Variants in NR2C2 observed in about 807,000 individuals in gnomAD.
The protein encoded by NR2C2 is Nuclear hormone receptor TR4.
In NR2C2, 6 loss-of-function variants were observed where a neutral mutation model predicts 62.9. The ratio of observed to expected loss-of-function variants is 0.10; its 90% confidence interval spans 0.05 to 0.19. The LOEUF (loss-of-function observed/expected upper bound fraction) is 0.19, where lower values mean the gene tolerates loss of function less well. Among genes scored for constraint, NR2C2 ranks in the 10% least tolerant of loss-of-function variants. The probability of loss-of-function intolerance (pLI) is 1.00; values close to 1 mark genes in which losing one functional copy is unlikely to be tolerated. For missense variants in NR2C2, 479 were observed against 762.7 expected (o/e 0.63, Z 4.38); for synonymous variants, 272 against 273.8 (o/e 0.99, Z 0.07).
rs187114262 is a variant in NR2C2, at chr3:14,976,947, C to T, written c.-39-26929C>T. Among the ~76,000 whole-genome samples, 484 of 152,058 alleles carry T rather than the reference C, an allele frequency of 3.2e-3. 5 individuals are homozygous for T. Among genetic ancestry groups the T allele is most frequent in the Non-Finnish European group, 1.5e-3 (103 of 67,976 alleles). On this transcript the variant is annotated intron_variant, in intron 1 of 13. Transcript: ENST00000425241. Reference sequence around the variant, plus strand: ...TCTGTTCTGAAATATACAGTCATGTCCTGTAGTATATATATTTTTTCATAA... The same window carrying T: ...TCTGTTCTGAAATATACAGTCATGTTCTGTAGTATATATATTTTTTCATAA...
intron 1 of NR2C2, among the ~76,000 whole-genome samples, chr3:14,958,708 C>T (rs1345446241): frequency 3.3e-5 from 5 of 152,098 alleles, no homozygotes; most frequent in Admixed American, 1.3e-4. Context: ...TTGGGTGCTG[C>T]GGCTAATGCC....
chr3:15,009,594 C>A (rs976172156), intron 2 of NR2C2, among the ~76,000 whole-genome samples: 1 of 152,174 alleles, frequency 6.6e-6, no homozygotes, highest in Non-Finnish European at 1.5e-5. Context: ...CAACACATAT[C>A]TTCTTAACGT....
At chr3:14,968,865 C>A (rs1434070046) in intron 1 of NR2C2, among the ~76,000 whole-genome samples, 2 of 145,622 alleles carry the variant, frequency 1.4e-5, no homozygotes, top group African/African-American at 2.6e-5. Context: ...AATCATCATT[C>A]TCAGTAAACT....
intron 1 of NR2C2, among the ~76,000 whole-genome samples, chr3:14,988,366 A>T (rs1402547680): frequency 6.6e-6 from 1 of 152,252 alleles, no homozygotes; most frequent in Non-Finnish European, 1.5e-5. Context: ...GCACTGCCTC[A>T]CCCAAACCAC....
intron 1 of NR2C2, among the ~76,000 whole-genome samples, chr3:14,952,828 C>T (rs2039407795): frequency 6.6e-6 from 1 of 152,208 alleles, no homozygotes; most frequent in Non-Finnish European, 1.5e-5. Context: ...TCCTACTCCC[C>T]TTGCTCACTT....
intron 13 of NR2C2, among the ~76,000 whole-genome samples, chr3:15,041,911 T>C (rs1342073183): frequency 6.6e-6 from 1 of 152,194 alleles, no homozygotes; most frequent in Non-Finnish European, 1.5e-5. Flanking sequence ...ACATTTTGCG[T>C]ATTCACTTCC....
chr3:15,043,257 G>T lies in NR2C2; in HGVS notation c.*249G>T. On this transcript the variant is annotated 3_prime_UTR_variant, in exon 14 of 14. Coordinates refer to ENST00000425241, the MANE Select transcript of NR2C2 (RefSeq NM_001291694.2). ...TTGGAACAATCTTTTAACTCAATTT[G>T]TATTTAGAAATTCTCAAAGGGCAAA... 3.2e-6 allele frequency: 1 copy of T among 314,212 alleles called. No individual in the cohort carries two copies. Among genetic ancestry groups the T allele is most frequent in the Non-Finnish European group, 5.7e-6 (1 of 174,362 alleles). 19.5% of individuals were successfully genotyped at this position (314,212 alleles called of 1,614,324 possible).
At chr3:14,963,243 C>T (rs998820298) in intron 1 of NR2C2, among the ~76,000 whole-genome samples, 1 of 152,182 alleles carries the variant, frequency 6.6e-6, no homozygotes, top group Non-Finnish European at 1.5e-5. Context: ...CTGTACCATG[C>T]CCTATGCAAG....
rs114234688 is a variant in NR2C2 at position 14,992,594 on chromosome 3, G to A, written c.-39-11282G>A. Among the ~76,000 whole-genome samples the A allele has an allele frequency of 6.0e-3, 916 of 152,316 alleles. 7 individuals are homozygous for A. Among genetic ancestry groups the A allele is most frequent in the Admixed American group, 0.012 (177 of 15,306 alleles). ...GGTGTTCTGTGGAGAGTACTAAGGT[G>A]CAGGGACTGTGGGAACCCAGAGGAG... On this transcript the variant is annotated intron_variant, in intron 1 of 13. Coordinates refer to ENST00000425241, the MANE Select transcript of NR2C2 (RefSeq NM_001291694.2).
chr3:14,983,470 C>T (rs1407618771), intron 1 of NR2C2, among the ~76,000 whole-genome samples: 2 of 149,662 alleles, frequency 1.3e-5, no homozygotes, highest in African/African-American at 4.9e-5. Context: ...TATACACACA[C>T]ACACACACAC....
At chr3:14,992,477 G>C (rs929588481) in intron 1 of NR2C2, among the ~76,000 whole-genome samples, 5 of 152,124 alleles carry the variant, frequency 3.3e-5, no homozygotes, top group Admixed American at 6.5e-5. Context: ...CATCCCCTAA[G>C]GTATTCATTC....
At chr3:15,020,224 T>A (rs1396863162) in intron 4 of NR2C2, among the ~76,000 whole-genome samples, 1 of 152,220 alleles carries the variant, frequency 6.6e-6, no homozygotes, top group South Asian at 2.1e-4. Flanking sequence ...TCCCTGTGAC[T>A]ATCCCGCTTC....
At chr3:15,023,983 C>T (rs1465941611) in intron 6 of NR2C2, 132 bp from the exon 7 acceptor site, 8 of 664,682 alleles carry the variant, frequency 1.2e-5, no homozygotes, top group African/African-American at 7.5e-5. Flanking sequence ...AGTCACTAAG[C>T]GGCTGAGTCT....
In NR2C2 at chr3:15,046,865, T is replaced by C. The variant is rs2042471791; in HGVS notation, c.*3857T>C. ...TCTCAGTTATGAGGCTCTTTGAAAA[T>C]GTCTTAACTTTGATGTAAATTTTTA... On this transcript the variant is annotated 3_prime_UTR_variant, in exon 14 of 14. Coordinates refer to ENST00000425241, the MANE Select transcript of NR2C2 (RefSeq NM_001291694.2). 1 of 152,604 alleles carries C rather than the reference T, an allele frequency of 6.6e-6. No homozygotes were observed. The highest frequency in any genetic ancestry group is 2.1e-4 in the South Asian group (1 of 4,832). The allele number at this position is 152,604 out of a possible 1,614,324, so 9.5% of individuals were successfully genotyped here.
chr3:15,004,855 A>G (rs1170615440), intron 2 of NR2C2, among the ~76,000 whole-genome samples: 1 of 152,162 alleles, frequency 6.6e-6, no homozygotes, highest in Non-Finnish European at 1.5e-5. Context: ...ATCTTAGCCA[A>G]AAGGTCGAGA....
At chr3:15,026,411 G>T (rs2041823396) in intron 7 of NR2C2, 1 of 152,122 alleles carries the variant, frequency 6.6e-6, no homozygotes. Context: ...TTACAAGGTT[G>T]TACAAACCAT....
At chr3:14,951,402 C>T (rs1251240418) in intron 1 of NR2C2, among the ~76,000 whole-genome samples, 1 of 152,018 alleles carries the variant, frequency 6.6e-6, no homozygotes, top group East Asian at 1.9e-4. Flanking sequence ...GTAAATAAAA[C>T]ATTTGTATTA....
At chr3:15,018,318 TGA>T (rs2041568614) in intron 4 of NR2C2, among the ~76,000 whole-genome samples, 1 of 152,040 alleles carries the variant, frequency 6.6e-6, no homozygotes, top group Non-Finnish European at 1.5e-5. Context: ...TTAATGTCAT[TGA>T]TAATTAAAAG....
At chr3:14,989,447 A>G (rs1470523536) in intron 1 of NR2C2, among the ~76,000 whole-genome samples, 1 of 152,074 alleles carries the variant, frequency 6.6e-6, no homozygotes, top group African/African-American at 2.4e-5. Context: ...CACAGTCCAT[A>G]TATTCTTGCC....
Sources: allele counts gnomAD v4.1 joint callset (sites outside exome capture counted in the v4.1 genomes callset), GRCh38; gene constraint gnomAD v4.1.1; transcripts MANE v1.5; gene names NCBI Gene and HGNC (gene_info 2026-07-23, HGNC 2026-07-21).